EML4: variants seen among roughly 807,000 people sequenced by gnomAD.
EML4 encodes the protein echinoderm microtubule-associated protein-like 4.
A neutral mutation model predicts 129.0 loss-of-function variants in EML4; 72 were observed. The ratio of observed to expected loss-of-function variants is 0.56; its 90% CI spans 0.46 to 0.68. The LOEUF is 0.68. Ranked by LOEUF, EML4 falls within the 30% of genes least tolerant of loss-of-function variation. The probability of loss-of-function intolerance (pLI) is 0.00; values close to 1 mark genes in which losing one functional copy is unlikely to be tolerated. For synonymous variants in EML4, 532 were observed against 405.0 expected (o/e 1.31, Z -3.77); for missense variants, 1,363 against 1,190.6 (o/e 1.14, Z -2.13).
At chr2:42,319,760 G>A (rs1669425235) in intron 19 of EML4, 1 of 152,144 alleles carries the variant, frequency 6.6e-6, no homozygotes, top group Non-Finnish European at 1.5e-5. Context: ...TAAAGATGAG[G>A]TCTTTTTAAA....
At chr2:42,276,350 C>T (rs1666655346) in intron 6 of EML4, among the ~76,000 whole-genome samples, 1 of 152,134 alleles carries the variant, frequency 6.6e-6, no homozygotes, top group Non-Finnish European at 1.5e-5. Context: ...GGCCTTGCTG[C>T]TCCCTCGCTG....
intron 6 of EML4, among the ~76,000 whole-genome samples, chr2:42,277,673 A>G (rs1028357424): frequency 6.6e-6 from 1 of 151,752 alleles, no homozygotes; most frequent in Non-Finnish European, 1.5e-5. Flanking sequence ...GGTTCAAGCA[A>G]TTCTCCTGCC....
chr2:42,324,483 G>A (rs1227085694), intron 19 of EML4, among the ~76,000 whole-genome samples: 2 of 152,178 alleles, frequency 1.3e-5, no homozygotes, highest in Admixed American at 1.3e-4. Context: ...GGGAGTGATG[G>A]CATGTGCCTG....
chr2:42,225,781 T>A (rs1419649324), intron 1 of EML4, among the ~76,000 whole-genome samples: 1 of 152,180 alleles, frequency 6.6e-6, no homozygotes, highest in Non-Finnish European at 1.5e-5. Flanking sequence ...TGTGTTTTTT[T>A]ATTGCTTTAT....
At chr2:42,287,750 ATC>A (rs1667391269) in intron 10 of EML4, among the ~76,000 whole-genome samples, 1 of 152,226 alleles carries the variant, frequency 6.6e-6, no homozygotes, top group Non-Finnish European at 1.5e-5. Context: ...TAAGTCAGGT[ATC>A]TCACAGAAAA....
chr2:42,231,481 C>T (rs1024844153), intron 1 of EML4, among the ~76,000 whole-genome samples: 7 of 152,328 alleles, frequency 4.6e-5, no homozygotes, highest in East Asian at 1.9e-4. Flanking sequence ...ACACATCTTT[C>T]TGCTCCCTCA....
chr2:42,241,691 G>C (rs1213727026), intron 1 of EML4, among the ~76,000 whole-genome samples: 6 of 152,136 alleles, frequency 3.9e-5, no homozygotes, highest in East Asian at 1.9e-4. Context: ...TATTTGTTTG[G>C]TCCTCATGTG....
chr2:42,321,994 T>C (rs780649771), intron 19 of EML4, among the ~76,000 whole-genome samples: 2 of 152,234 alleles, frequency 1.3e-5, no homozygotes, highest in Non-Finnish European at 2.9e-5. Flanking sequence ...TCTCTAAGTT[T>C]GATATGATCT....
At chr2:42,236,344 T>G (rs904609460) in intron 1 of EML4, among the ~76,000 whole-genome samples, 8 of 152,210 alleles carry the variant, frequency 5.3e-5, no homozygotes, top group Admixed American at 4.6e-4. Flanking sequence ...TTAGGTTGTT[T>G]CCAATTTGTT....
At chr2:42,207,855 G>A (rs1022671636) in intron 1 of EML4, 1 of 152,130 alleles carries the variant, frequency 6.6e-6, no homozygotes, top group Non-Finnish European at 1.5e-5. Context: ...TAATTGTTCT[G>A]TGTTTTAGAC....
chr2:42,174,852 C>G (rs1044602234), intron 1 of EML4, among the ~76,000 whole-genome samples: 5 of 151,822 alleles, frequency 3.3e-5, no homozygotes, highest in African/African-American at 9.7e-5. Flanking sequence ...GAGTCTTGCT[C>G]TGTTGCCCAG....
chr2:42,258,131 C>A (rs1465523928), intron 3 of EML4, among the ~76,000 whole-genome samples: 2 of 152,096 alleles, frequency 1.3e-5, no homozygotes, highest in African/African-American at 4.8e-5. Context: ...CCAAGGCCAG[C>A]TGAGTTTGTT....
intron 6 of EML4, among the ~76,000 whole-genome samples, chr2:42,273,474 T>TTA (rs1666486259): frequency 1.3e-5 from 2 of 152,178 alleles, no homozygotes; most frequent in South Asian, 4.1e-4. Flanking sequence ...GGTGGGTAAC[T>TTA]GTAAGTTGGC....
intron 1 of EML4, among the ~76,000 whole-genome samples, chr2:42,244,094 G>GTTTTTTTTTTTTTTTTTTTTTTTTTTTT (rs898798718): frequency 2.2e-5 from 1 of 44,946 alleles, no homozygotes. Flanking sequence ...TTTTGTTTTT[G>GTTTTTTTTTTTTTTTTTTTTTTTTTTTT]TTTTTTGTTT....
intron 20 of EML4, 188 bp from the exon 21 acceptor site, chr2:42,325,966 G>C: frequency 2.2e-6 from 1 of 462,296 alleles, no homozygotes; most frequent in Non-Finnish European, 2.8e-6. Flanking sequence ...ACTTCCATGG[G>C]AAACAGTTTG....
At chr2:42,292,291 C>G (rs1331641812) in intron 11 of EML4, among the ~76,000 whole-genome samples, 1 of 152,158 alleles carries the variant, frequency 6.6e-6, no homozygotes, top group Non-Finnish European at 1.5e-5. Flanking sequence ...TTGTTCATCT[C>G]GGCAGAAATA....
At chr2:42,318,163 A>C (rs952842417) in intron 19 of EML4, among the ~76,000 whole-genome samples, 4 of 152,378 alleles carry the variant, frequency 2.6e-5, no homozygotes, top group African/African-American at 9.6e-5. Context: ...AGTACAGTCC[A>C]ACTCAGGCCA....
At chr2:42,299,504 C>G (rs1202085311) in intron 13 of EML4, among the ~76,000 whole-genome samples, 1 of 152,102 alleles carries the variant, frequency 6.6e-6, no homozygotes, top group Non-Finnish European at 1.5e-5. Flanking sequence ...TTCATCACCC[C>G]AAAAAGAAAG....
intron 9 of EML4, 64 bp from the exon 10 acceptor site, chr2:42,286,205 G>T (rs763652866): frequency 3.4e-6 from 3 of 894,200 alleles, no homozygotes; most frequent in African/African-American, 1.6e-5. Context: ...CATTAGTTCT[G>T]TGTGCTATTG....
Sources: gnomAD v4.1 joint callset for allele counts (sites outside exome capture counted in the v4.1 genomes callset) on GRCh38, gnomAD v4.1.1 for gene constraint, MANE v1.5 for transcripts, NCBI Gene and HGNC (gene_info 2026-07-23, HGNC 2026-07-21) for gene names.